SYT2: variants seen among roughly 807,000 people sequenced by gnomAD.
The protein encoded by SYT2 is synaptotagmin 2.
A neutral mutation model predicts 39.9 loss-of-function variants in SYT2; 15 were observed. That is an observed-to-expected ratio of 0.38 (90% confidence interval 0.25 to 0.58). The LOEUF is 0.58. Among genes scored for constraint, SYT2 ranks in the 20% least tolerant of loss-of-function variants. The probability of loss-of-function intolerance (pLI) is 0.70; values close to 1 mark genes in which losing one functional copy is unlikely to be tolerated. For missense variants in SYT2, 389 were observed against 530.3 expected (o/e 0.73, Z 2.62); for synonymous variants, 181 against 204.5 (o/e 0.89, Z 0.98).
intron 1 of SYT2, among the ~76,000 whole-genome samples, chr1:202,626,401 T>TA (rs1691409719): frequency 7.7e-6 from 1 of 130,074 alleles, no homozygotes; most frequent in Admixed American, 7.7e-5. Flanking sequence ...CTCTCAGCTT[T>TA]TTTTTTTTTT....
At chr1:202,663,201 C>G (rs1476160278) in intron 1 of SYT2, among the ~76,000 whole-genome samples, 1 of 152,202 alleles carries the variant, frequency 6.6e-6, no homozygotes, top group Non-Finnish European at 1.5e-5. Context: ...GCCCCAGGGA[C>G]AGCAAGGCGT....
chr1:202,653,584 A>G (rs1017050561), intron 1 of SYT2, among the ~76,000 whole-genome samples: 15 of 151,724 alleles, frequency 9.9e-5, no homozygotes, highest in Middle Eastern at 3.2e-3. Context: ...CCCAAAGACC[A>G]TCCCCAGAGA....
At chr1:202,678,301 A>C (rs1409769533) in intron 1 of SYT2, among the ~76,000 whole-genome samples, 1 of 148,264 alleles carries the variant, frequency 6.7e-6, no homozygotes, top group East Asian at 2.0e-4. Context: ...AAAAAAAAAA[A>C]CTAATAAAAT....
intron 1 of SYT2, among the ~76,000 whole-genome samples, chr1:202,703,292 A>T (rs1463548771): frequency 9.3e-6 from 1 of 107,208 alleles, no homozygotes; most frequent in African/African-American, 3.5e-5. Context: ...TCCGCCGCCC[A>T]TACACATGGC....
chr1:202,608,499 G>C (rs1690781646), intron 1 of SYT2, among the ~76,000 whole-genome samples: 1 of 151,970 alleles, frequency 6.6e-6, no homozygotes. Context: ...CTGGTCTCGA[G>C]CTCCTGGCCT....
intron 1 of SYT2, among the ~76,000 whole-genome samples, chr1:202,649,926 A>G (rs1377332510): frequency 1.3e-5 from 2 of 152,212 alleles, no homozygotes; most frequent in African/African-American, 4.8e-5. Flanking sequence ...CGCACAGCCA[A>G]CTTCAGTCTC....
chr1:202,693,492 C>G lies in SYT2; in HGVS notation c.-18+16766G>C, dbSNP rs115433811. 5.1e-3 allele frequency among the ~76,000 whole-genome samples: 782 copies of G among 152,186 alleles called. 5 individuals are homozygous for G. Among genetic ancestry groups the G allele is most frequent in the African/African-American group, 0.018 (730 of 41,516 alleles). On this transcript the variant is annotated intron_variant, in intron 1 of 8. Coordinates refer to ENST00000367268, the MANE Select transcript of SYT2 (RefSeq NM_177402.5). ...AGCTGAGTATGAGAAAACAGCATGA[C>G]TTATACTGATGACTGAAACAGCCAA...
At chr1:202,680,152 G>T (rs1279282030) in intron 1 of SYT2, among the ~76,000 whole-genome samples, 1 of 152,170 alleles carries the variant, frequency 6.6e-6, no homozygotes, top group Admixed American at 6.5e-5. Context: ...CCCAGCACAG[G>T]CCTGCACTTA....
chr1:202,650,483 T>C (rs1393052975), intron 1 of SYT2, among the ~76,000 whole-genome samples: 1 of 149,160 alleles, frequency 6.7e-6, no homozygotes, highest in Non-Finnish European at 1.5e-5. Context: ...TCACCCAGGC[T>C]GGAGTGCAAT....
chr1:202,670,774 T>C (rs1246014869), intron 1 of SYT2, among the ~76,000 whole-genome samples: 1 of 152,250 alleles, frequency 6.6e-6, no homozygotes, highest in Non-Finnish European at 1.5e-5. Flanking sequence ...CCCTGCAGCC[T>C]TGGGTCATTG....
At chr1:202,657,881 C>T (rs776504454) in intron 1 of SYT2, among the ~76,000 whole-genome samples, 6 of 152,134 alleles carry the variant, frequency 3.9e-5, no homozygotes, top group Non-Finnish European at 8.8e-5. Context: ...TCCTGCATCT[C>T]CTCTTTGACT....
chr1:202,659,390 C>G lies in SYT2; in HGVS notation c.-18+50868G>C, dbSNP rs565552173. 1.2e-4 allele frequency among the ~76,000 whole-genome samples: 18 copies of G among 152,288 alleles called. 1 individual carries two copies. Among genetic ancestry groups the G allele is most frequent in the Middle Eastern group, 3.4e-3 (1 of 294 alleles). On this transcript the variant is annotated intron_variant, in intron 1 of 8. Coordinates refer to ENST00000367268, the MANE Select transcript of SYT2 (RefSeq NM_177402.5). ...GGCAGACCTATCCCTGCCAGCTCAG[C>G]CCCTCCCTTCCACCAAGCAGAGGGT...
In SYT2 at chr1:202,591,341, G is replaced by A. The variant is rs1355301355; in HGVS notation, c.*5416C>T. The A allele has an allele frequency of 6.6e-6, 1 of 151,792 alleles. No homozygotes were observed. The highest frequency in any genetic ancestry group is 1.5e-5 in the Non-Finnish European group (1 of 67,760). The allele number at this position is 151,792 out of a possible 1,614,324, so 9.4% of individuals were successfully genotyped here. On this transcript the variant is annotated 3_prime_UTR_variant, in exon 9 of 9. Transcript: ENST00000367268. ...CAGTTGCCAGGCCTGAGGCATCCTG[G>A]GCTCTTCCCATGCAGTACTGCCCTC...
rs757336046 is a variant in SYT2, at chr1:202,599,211, C to G, written c.1053+7G>C. On this transcript the variant is annotated splice_region_variant and intron_variant, in intron 8 of 8. Transcript: ENST00000367268. This position sits in a 1 kb window ranked among gnomAD's most constrained non-coding sequence, Gnocchi z 4.4. Reference sequence around the variant, plus strand: ...GCTCCATGCCTAGGAACCCAGGGCTCCAGCACCTGAATCTGCTCGAAGGGG... The same window carrying G: ...GCTCCATGCCTAGGAACCCAGGGCTGCAGCACCTGAATCTGCTCGAAGGGG... 4 of 1,613,066 alleles carry G rather than the reference C, an allele frequency of 2.5e-6. No individual in the cohort carries two copies. Among genetic ancestry groups the G allele is most frequent in the South Asian group, 1.1e-5 (1 of 90,878 alleles).
intron 1 of SYT2, among the ~76,000 whole-genome samples, chr1:202,674,858 T>C (rs1432076242): frequency 6.6e-6 from 1 of 151,706 alleles, no homozygotes; most frequent in Non-Finnish European, 1.5e-5. Flanking sequence ...GCCGGCCCCC[T>C]CCCCCACTGC....
At position 202,601,525 on chromosome 1, in the gene SYT2, C is replaced by G. The variant is rs1324175375; in HGVS notation, c.801+365G>C. On this transcript the variant is annotated intron_variant, in intron 6 of 8. Transcript: ENST00000367268. The surrounding 1 kb of genome is among the most constrained non-coding windows in gnomAD (Gnocchi z 4.0). ...GAGTATCCTTTAGAACAAACATGAG[C>G]TTTTCTTGTGGGTGAACTGAGGCAC... Among the ~76,000 whole-genome samples, 1 of 152,196 alleles carries G rather than the reference C, an allele frequency of 6.6e-6. No individual in the cohort carries two copies. Among genetic ancestry groups the G allele is most frequent in the Non-Finnish European group, 1.5e-5 (1 of 68,038 alleles).
chr1:202,673,444 T>C (rs182585564), intron 1 of SYT2, among the ~76,000 whole-genome samples: 2 of 152,358 alleles, frequency 1.3e-5, no homozygotes, highest in Admixed American at 1.3e-4. Flanking sequence ...TGTATCAATG[T>C]TCTGTGTCCA....
intron 1 of SYT2, among the ~76,000 whole-genome samples, chr1:202,668,322 C>G (rs1384398806): frequency 1.3e-5 from 2 of 152,108 alleles, no homozygotes; most frequent in Non-Finnish European, 2.9e-5. Flanking sequence ...GTCTAAACCT[C>G]TCAGGTGTGA....
At chr1:202,651,628 C>T in intron 1 of SYT2, among the ~76,000 whole-genome samples, 1 of 152,200 alleles carries the variant, frequency 6.6e-6, no homozygotes, top group East Asian at 1.9e-4. Flanking sequence ...CGGCACATTC[C>T]TATCTATCAA....
Sources: gnomAD v4.1 joint callset for allele counts (sites outside exome capture counted in the v4.1 genomes callset) on GRCh38, gnomAD v4.1.1 for gene constraint, Gnocchi (gnomAD v3.1) non-coding constraint, MANE v1.5 for transcripts, NCBI Gene and HGNC (gene_info 2026-07-23, HGNC 2026-07-21) for gene names.